Variants in SLC9B1 observed in about 807,000 individuals in gnomAD.
SLC9B1 encodes the protein solute carrier family 9 member B1.
In SLC9B1, 32 loss-of-function variants were observed where a neutral mutation model predicts 51.7. That is an observed-to-expected ratio of 0.62 (90% confidence interval 0.47 to 0.83). The LOEUF (loss-of-function observed/expected upper bound fraction) is 0.83. Among genes scored for constraint, SLC9B1 ranks in the 40% least tolerant of loss-of-function variants. The pLI, the probability that SLC9B1 is intolerant of heterozygous loss-of-function variation, is 0.00. For synonymous variants in SLC9B1, 145 were observed against 212.7 expected (o/e 0.68, Z 2.77); for missense variants, 406 against 613.2 (o/e 0.66, Z 3.57).
chr4:102,976,166 CAG>C (rs1320175277), intron 3 of SLC9B1, among the ~76,000 whole-genome samples: 2 of 152,178 alleles, frequency 1.3e-5, no homozygotes, highest in Non-Finnish European at 2.9e-5. Context: ...ACGATGCAGA[CAG>C]AAACGTTCAC....
intron 11 of SLC9B1, among the ~76,000 whole-genome samples, chr4:102,903,615 A>G (rs1305467714): frequency 1.3e-5 from 2 of 152,246 alleles, no homozygotes; most frequent in Non-Finnish European, 2.9e-5. Context: ...TTTGCATGAA[A>G]ATTTAGGAGC....
intron 3 of SLC9B1, among the ~76,000 whole-genome samples, chr4:102,973,093 C>G (rs900329512): frequency 3.3e-5 from 5 of 151,906 alleles, no homozygotes; most frequent in African/African-American, 1.2e-4. Context: ...AACATGATGA[C>G]AGAAATAAAT....
chr4:103,002,065 T>G (rs1002709171), intron 1 of SLC9B1, among the ~76,000 whole-genome samples: 1 of 152,194 alleles, frequency 6.6e-6, no homozygotes, highest in Non-Finnish European at 1.5e-5. Context: ...CTGACTATCT[T>G]GAGGACAGCA....
chr4:102,990,669 T>A (rs1304949542), intron 2 of SLC9B1, among the ~76,000 whole-genome samples: 1 of 146,708 alleles, frequency 6.8e-6, no homozygotes, highest in Admixed American at 6.8e-5. Flanking sequence ...GGTGGGTGGG[T>A]GTGGGGGTGT....
chr4:102,893,509 T>C (rs1426116068), intron 11 of SLC9B1, among the ~76,000 whole-genome samples: 9 of 152,178 alleles, frequency 5.9e-5, no homozygotes, highest in African/African-American at 2.2e-4. Flanking sequence ...TAAAAAGTAC[T>C]AGGGTTGCAA....
intron 1 of SLC9B1, among the ~76,000 whole-genome samples, chr4:103,014,000 T>A (rs1453720607): frequency 6.6e-6 from 1 of 152,226 alleles, no homozygotes; most frequent in African/African-American, 2.4e-5. Context: ...AACAATATTC[T>A]TAAATGTAAG....
chr4:102,915,404 T>C (rs1045980032), intron 7 of SLC9B1, among the ~76,000 whole-genome samples: 20 of 152,238 alleles, frequency 1.3e-4, no homozygotes, highest in African/African-American at 4.8e-4. Context: ...TTTTTTCTTT[T>C]TCTTTTTTGA....
At chr4:103,007,972 T>C (rs1171256189) in intron 1 of SLC9B1, among the ~76,000 whole-genome samples, 1 of 152,170 alleles carries the variant, frequency 6.6e-6, no homozygotes, top group Non-Finnish European at 1.5e-5. Flanking sequence ...ATAAGTTTAT[T>C]AGAAATTATG....
intron 1 of SLC9B1, among the ~76,000 whole-genome samples, chr4:102,996,516 T>C (rs550675626): frequency 1.3e-5 from 2 of 152,276 alleles, no homozygotes; most frequent in East Asian, 3.9e-4. Context: ...GCTTTTCACA[T>C]AGGAAAGGAA....
intron 6 of SLC9B1, among the ~76,000 whole-genome samples, chr4:102,934,150 A>AT (rs1736600032): frequency 1.3e-5 from 2 of 152,252 alleles, no homozygotes; most frequent in African/African-American, 4.8e-5. Context: ...CTTTGCAGGG[A>AT]TTTTTACTGA....
At chr4:102,962,336 A>T in intron 3 of SLC9B1, 1 of 538,954 alleles carries the variant, frequency 1.9e-6, no homozygotes, top group Non-Finnish European at 3.8e-6. Context: ...ATCACTGAAG[A>T]CTGGGATATT....
chr4:102,988,972 C>A (rs181004880), intron 3 of SLC9B1, among the ~76,000 whole-genome samples: 100 of 152,118 alleles, frequency 6.6e-4, no homozygotes, highest in African/African-American at 2.3e-3. Context: ...TAGACCAAGT[C>A]ATGGGAACAT....
chr4:102,955,208 C>T (rs1377973539), intron 3 of SLC9B1, among the ~76,000 whole-genome samples: 1 of 152,140 alleles, frequency 6.6e-6, no homozygotes, highest in African/African-American at 2.4e-5. Context: ...GTGAATAAGT[C>T]TCACAAGATC....
Position 103,011,619 on chromosome 4 carries a change from T to C in SLC9B1, c.-2+7980A>G, listed in dbSNP as rs147735126. On this transcript the variant is annotated intron_variant, in intron 1 of 11. Transcript: ENST00000296422. ...GTTCTGTGCCTGGGCCCCAAGGTTC[T>C]CTGTGACCTCCTTTGAAATCTATGC... Among the ~76,000 whole-genome samples the C allele has an allele frequency of 6.9e-3, 1,049 of 152,296 alleles. 6 individuals are homozygous for C. The highest frequency in any genetic ancestry group is 0.012 in the Non-Finnish European group (792 of 68,018).
In SLC9B1 at chr4:102,991,667, G is replaced by C; in HGVS notation, c.45C>G (p.Asn15Lys). 4.4e-6 allele frequency: 7 copies of C among 1,589,966 alleles called. No homozygotes were observed. The highest frequency in any genetic ancestry group is 6.0e-6 in the Non-Finnish European group (7 of 1,166,424). The stretch of plus-strand genomic sequence containing the variant: ...CCTGAGGAGTTGTAGATGTTTGGAA[G>C]TTTTCATCCTCCAAATGTTCATTTT... Reference protein sequence around the residue: ...ESKNEHLEDENFQTSTTPQSL... With the variant: ...ESKNEHLEDEKFQTSTTPQSL... Residue 15 changes from asparagine (N) to lysine (K), a missense_variant, in exon 2 of 12, where the codon AAC becomes AAG. Coordinates refer to ENST00000296422, the MANE Select transcript of SLC9B1 (RefSeq NM_139173.4).
chr4:102,965,307 G>A (rs1738365306), intron 3 of SLC9B1, among the ~76,000 whole-genome samples: 1 of 152,144 alleles, frequency 6.6e-6, no homozygotes, highest in African/African-American at 2.4e-5. Context: ...AGCTTCTGGT[G>A]AGGGCTTTAG....
intron 3 of SLC9B1, among the ~76,000 whole-genome samples, chr4:102,956,157 T>C (rs1478440549): frequency 6.6e-6 from 1 of 152,170 alleles, no homozygotes; most frequent in African/African-American, 2.4e-5. Flanking sequence ...CAAAATTTCA[T>C]GCTGGGGAAG....
intron 9 of SLC9B1, 72 bp from the exon 10 acceptor site, chr4:102,906,716 C>T (rs1395707261): frequency 2.2e-5 from 20 of 919,964 alleles, no homozygotes; most frequent in Admixed American, 5.2e-5. Context: ...AAGTCTTCCC[C>T]CCCCTTTTTT....
chr4:102,916,718 A>C (rs1230591845), intron 7 of SLC9B1, among the ~76,000 whole-genome samples: 1 of 152,278 alleles, frequency 6.6e-6, no homozygotes, highest in Non-Finnish European at 1.5e-5. Flanking sequence ...AAGAAAACTG[A>C]ACTCATACCA....
Sources: allele counts gnomAD v4.1 joint callset (sites outside exome capture counted in the v4.1 genomes callset), GRCh38; gene constraint gnomAD v4.1.1; transcripts MANE v1.5; gene names NCBI Gene and HGNC (gene_info 2026-07-23, HGNC 2026-07-21).